TUBE1: variants seen among roughly 807,000 people sequenced by gnomAD.
TUBE1 encodes tubulin epsilon chain.
A neutral mutation model predicts 53.5 loss-of-function variants in TUBE1; 34 were observed. The observed-to-expected ratio is 0.64, with a 90% CI of 0.48 to 0.85. The LOEUF (loss-of-function observed/expected upper bound fraction) is 0.85, where lower values mean the gene tolerates loss of function less well. Ranked by LOEUF, TUBE1 falls within the 40% of genes least tolerant of loss-of-function variation. The probability of loss-of-function intolerance (pLI) is 0.00; values close to 1 mark genes in which losing one functional copy is unlikely to be tolerated. For synonymous variants in TUBE1, 177 were observed against 198.4 expected, an observed-to-expected ratio of 0.89 and a Z score of 0.91; for missense variants, 532 against 570.5, an observed-to-expected ratio of 0.93 and a Z score of 0.69.
chr6:112,078,372 T>C (rs587619654), intron 6 of TUBE1: 1 of 152,168 alleles, frequency 6.6e-6, no homozygotes, highest in South Asian at 2.1e-4. Context: ...AACTGTATAA[T>C]TGATTCTATG....
chr6:112,086,530 T>G, intron 3 of TUBE1, 26 bp downstream of exon 3: 1 of 1,585,324 alleles, frequency 6.3e-7, no homozygotes, highest in Non-Finnish European at 8.6e-7. Flanking sequence ...AGTATCACAC[T>G]GTGACAGACT....
At chr6:112,083,016 A>G (rs1777094348) in intron 4 of TUBE1, among the ~76,000 whole-genome samples, 1 of 152,066 alleles carries the variant, frequency 6.6e-6, no homozygotes, top group South Asian at 2.1e-4. Flanking sequence ...TTCACCTCTC[A>G]ATCTGCTTAC....
intron 6 of TUBE1, chr6:112,077,481 A>C (rs201673954): frequency 7.3e-6 from 1 of 137,518 alleles, no homozygotes; most frequent in African/African-American, 2.8e-5. Context: ...TGTTTTCTTA[A>C]ATGAAACAGT....
In TUBE1 at chr6:112,076,321, CTTGA is replaced by C. The variant is rs782274000; in HGVS notation, c.633_636del (p.Gln212LeufsTer13). 1.0e-5 allele frequency: 16 copies of C among 1,560,784 alleles called. No individual in the cohort carries two copies. Among genetic ancestry groups the C allele is most frequent in the South Asian group, 4.8e-5 (4 of 82,550 alleles). ...TCATAAGTTCCAATGTCATTTCTTA[CTTGA>C]TTGTCAATGGGCAATACACAGTCTG... On this transcript the variant is annotated frameshift_variant and splice_region_variant, in exon 7 of 12. Transcript: ENST00000368662. LOFTEE classifies it high-confidence loss of function.
At chr6:112,077,222 C>T (rs1394841852) in intron 6 of TUBE1, 2 of 152,118 alleles carry the variant, frequency 1.3e-5, no homozygotes, top group Non-Finnish European at 2.9e-5. Flanking sequence ...GCAACTTAAA[C>T]AGAGTTAAAA....
intron 6 of TUBE1, chr6:112,076,816 C>G (rs762002056): frequency 7.0e-4 from 129 of 184,932 alleles, no homozygotes; most frequent in Non-Finnish European, 1.3e-3. Context: ...CAAGCTTCTG[C>G]CTTGGCCTCC....
intron 3 of TUBE1, 138 bp from the exon 4 acceptor site, chr6:112,084,384 CTCT>C: frequency 1.5e-6 from 1 of 668,494 alleles, no homozygotes. Context: ...TATTCCTAAT[CTCT>C]TTCTTCCTTG....
At chr6:112,085,754 TA>T (rs1777142168) in intron 3 of TUBE1, 1 of 470,232 alleles carries the variant, frequency 2.1e-6, no homozygotes, top group Admixed American at 2.4e-5. Flanking sequence ...CTACAAAAGA[TA>T]AAGTAATGTG....
chr6:112,082,948 GA>G (rs1236284616), intron 4 of TUBE1, among the ~76,000 whole-genome samples: 2 of 151,960 alleles, frequency 1.3e-5, no homozygotes, highest in Non-Finnish European at 2.9e-5. Context: ...TACCTTCTCG[GA>G]AAAAAAGTCA....
intron 9 of TUBE1, among the ~76,000 whole-genome samples, chr6:112,073,516 T>C (rs1776903755): frequency 6.6e-6 from 1 of 152,174 alleles, no homozygotes; most frequent in African/African-American, 2.4e-5. Flanking sequence ...CAGACTCCAA[T>C]GCTAGGCTGA....
At chr6:112,074,421 G>A (rs587704130) in intron 9 of TUBE1, among the ~76,000 whole-genome samples, 6 of 152,146 alleles carry the variant, frequency 3.9e-5, no homozygotes, top group Admixed American at 6.5e-5. Context: ...CCAAAGTCCT[G>A]TAGCTAGCGA....
In TUBE1 at chr6:112,087,445, C is replaced by T. The variant is rs1554317592; in HGVS notation, c.-11G>A. On this transcript the variant is annotated 5_prime_UTR_variant, in exon 1 of 12. Coordinates refer to ENST00000368662, the MANE Select transcript of TUBE1 (RefSeq NM_016262.5). ...CACCGACTGGGTCATGGTGGTGCGCCGCCGGCTCCGGGAGCTTGCTAGCCC... is the reference window on the plus strand; with the variant it reads ...CACCGACTGGGTCATGGTGGTGCGCTGCCGGCTCCGGGAGCTTGCTAGCCC... The T allele has an allele frequency of 1.9e-6, 3 of 1,549,744 alleles. No homozygotes were observed. Among genetic ancestry groups the T allele is most frequent in the South Asian group, 1.2e-5 (1 of 84,024 alleles).
chr6:112,078,220 G>C (rs1777005721), intron 6 of TUBE1: 1 of 151,950 alleles, frequency 6.6e-6, no homozygotes, highest in Non-Finnish European at 1.5e-5. Flanking sequence ...ATATGCTTTG[G>C]TCCTATCTTT....
At chr6:112,078,384 CAG>C (rs1418343875) in intron 6 of TUBE1, 1 of 151,894 alleles carries the variant, frequency 6.6e-6, no homozygotes, top group Non-Finnish European at 1.5e-5. Flanking sequence ...GATTCTATGA[CAG>C]AGAGCTGATA....
chr6:112,072,429 G>A (rs1192478880), intron 10 of TUBE1, among the ~76,000 whole-genome samples: 1 of 152,010 alleles, frequency 6.6e-6, no homozygotes, highest in Middle Eastern at 3.2e-3. Context: ...GAATGAAATA[G>A]TAACACAAAA....
At position 112,076,350 on chromosome 6, in the gene TUBE1, G is replaced by C; in HGVS notation, c.608C>G (p.Ala203Gly). The C allele has an allele frequency of 2.5e-6, 4 of 1,599,616 alleles. No homozygotes were observed. Among genetic ancestry groups the C allele is most frequent in the Non-Finnish European group, 3.4e-6 (4 of 1,174,222 alleles). Reference sequence around the variant, plus strand: ...ATTGTCAATGGGCAATACACAGTCTGCATGCTCATTAAGTTCCTTCATTGC... The same window carrying C: ...ATTGTCAATGGGCAATACACAGTCTCCATGCTCATTAAGTTCCTTCATTGC... ...ILAMKELNEHADCVLPIDNQS... is the reference protein window; with the variant it reads ...ILAMKELNEHGDCVLPIDNQS... The change falls in exon 7 of 12, where the codon GCA becomes GGA. Residue 203 changes from alanine (A) to glycine (G), a missense_variant. Transcript: ENST00000368662.
At chr6:112,075,071 T>C (rs1024175839) in intron 8 of TUBE1, 4 of 206,024 alleles carry the variant, frequency 1.9e-5, no homozygotes, top group African/African-American at 7.7e-5. Flanking sequence ...TTTCTTTCTT[T>C]TTTTTTTTTT....
intron 5 of TUBE1, 66 bp from the exon 6 acceptor site, chr6:112,079,820 CTAAA>C: frequency 6.8e-7 from 1 of 1,463,508 alleles, no homozygotes; most frequent in Non-Finnish European, 9.2e-7. Flanking sequence ...TAGTTCTAAT[CTAAA>C]TAAAAGGATT....
In TUBE1 at chr6:112,076,395, G is replaced by A. The variant is rs782510281; in HGVS notation, c.563C>T (p.Ser188Leu). ...YPSGEDDVIT[S>L]PYNSILAMKE... ...CATTGCCAAGATGCTATTATAAGGT[G>A]AGGTTATGACATCATCCTCACCAGA... Residue 188 changes from serine to leucine, a missense_variant, in exon 7 of 12, where the codon TCA (serine) becomes TTA (leucine). Physicochemically the swap from Ser to Leu is moderately radical, Grantham distance 145 (BLOSUM62 -2). Transcript: ENST00000368662. 11 of 1,612,838 alleles carry A rather than the reference G, an allele frequency of 6.8e-6. No individual in the cohort carries two copies. In the Admixed American group the frequency reaches 1.5e-4, roughly 22 times the overall value.
Sources: gnomAD v4.1 joint callset for allele counts (sites outside exome capture counted in the v4.1 genomes callset) on GRCh38, gnomAD v4.1.1 for gene constraint, MANE v1.5 for transcripts, NCBI Gene and HGNC (gene_info 2026-07-23, HGNC 2026-07-21) for gene names.